The following PALMD variants were observed in gnomAD, a reference collection of about 807,000 sequenced individuals.
PALMD encodes palmdelphin, also known as paralemmin-like protein.
Under a neutral mutation model 56.2 loss-of-function variants are expected in PALMD, and 42 were observed. The observed-to-expected ratio is 0.75, with a 90% CI of 0.58 to 0.97. PALMD has a LOEUF of 0.97. Ranked by LOEUF, PALMD falls within the 50% of genes least tolerant of loss-of-function variation. PALMD has a pLI of 0.00. For missense variants in PALMD, 660 were observed against 643.8 expected (o/e 1.03, Z -0.27); for synonymous variants, 242 against 222.9 (o/e 1.09, Z -0.76).
rs1163128266 is a variant in PALMD at position 99,653,504 on chromosome 1, T to C, written c.45+7142T>C. Among the ~76,000 whole-genome samples the C allele has an allele frequency of 3.9e-5, 6 of 152,220 alleles. No individual in the cohort carries two copies. In the South Asian group the frequency reaches 1.0e-3, roughly 26 times the overall value. On this transcript the variant is annotated intron_variant, in intron 1 of 7. Transcript: ENST00000263174. ...AAGAAGACTACAATTATTTGATAAATGAGGTTTAGAAAATTTGTGCTTTTT... is the reference window on the plus strand; with the variant it reads ...AAGAAGACTACAATTATTTGATAAACGAGGTTTAGAAAATTTGTGCTTTTT...
intron 6 of PALMD, among the ~76,000 whole-genome samples, 181 bp from the exon 7 acceptor site, chr1:99,688,594 C>T (rs1030305898): frequency 2.0e-5 from 3 of 152,042 alleles, no homozygotes; most frequent in Non-Finnish European, 4.4e-5. Flanking sequence ...CATAAAAACC[C>T]GTGTTATTCC....
intron 7 of PALMD, 124 bp from the exon 8 acceptor site, chr1:99,693,895 C>T (rs1334789763): frequency 5.9e-6 from 4 of 678,692 alleles, no homozygotes; most frequent in Non-Finnish European, 7.9e-6. Context: ...TAAATCAATG[C>T]TCACACTGTT....
intron 2 of PALMD, among the ~76,000 whole-genome samples, chr1:99,664,699 CAAT>C (rs1287457336): frequency 1.3e-5 from 2 of 152,200 alleles, no homozygotes; most frequent in Admixed American, 1.3e-4. Context: ...AATAATTCTA[CAAT>C]GTCTTCACCA....
rs865810505 is a variant in PALMD at position 99,692,563 on chromosome 1, G to A, written c.1613-1456G>A. ...CTACTTGCCATAGGCTTGAAAAAAG[G>A]AAAGAAAGGAAAGCAGACTCTAGCA... On this transcript the variant is annotated intron_variant, in intron 7 of 7. Coordinates refer to ENST00000263174, the MANE Select transcript of PALMD (RefSeq NM_017734.5). 4.7e-4 allele frequency among the ~76,000 whole-genome samples: 71 copies of A among 152,234 alleles called. No homozygotes were observed. In the Middle Eastern group the frequency reaches 0.01, roughly 22 times the overall value.
intron 1 of PALMD, among the ~76,000 whole-genome samples, chr1:99,653,410 G>T (rs188211982): frequency 6.6e-6 from 1 of 151,930 alleles, no homozygotes; most frequent in African/African-American, 2.4e-5. Flanking sequence ...GGTAGACAAA[G>T]GAAAAAAAGA....
chr1:99,688,637 A>G, intron 6 of PALMD, 138 bp from the exon 7 acceptor site: 1 of 598,164 alleles, frequency 1.7e-6, no homozygotes, highest in Middle Eastern at 4.6e-4. Flanking sequence ...GAGTAAAATC[A>G]GAAATTTAAA....
chr1:99,670,484 T>G (rs1653059767), intron 3 of PALMD, among the ~76,000 whole-genome samples: 2 of 152,126 alleles, frequency 1.3e-5, no homozygotes, highest in South Asian at 4.2e-4. Flanking sequence ...ACAGAGTCAG[T>G]AAAGGGTAGA....
At position 99,686,483 on chromosome 1, in the gene PALMD, G is replaced by A. The variant is rs529271639; in HGVS notation, c.252-193G>A. On this transcript the variant is annotated intron_variant, in intron 3 of 7. Coordinates refer to ENST00000263174, the MANE Select transcript of PALMD (RefSeq NM_017734.5). The stretch of plus-strand genomic sequence containing the variant: ...AAAGAAAACTTGAAAATCGTTCAAA[G>A]TCGGGCATTAGGTATCTTCCATATA... The A allele has an allele frequency of 1.6e-3, 592 of 378,548 alleles. 4 individuals are homozygous for A. The Middle Eastern group carries it at 0.016, about 10-fold the overall frequency. 23.4% of individuals were successfully genotyped at this position (378,548 alleles called of 1,614,324 possible). A position where few individuals can be genotyped will look rare whatever the true frequency, so the allele number is the denominator to read the frequency against.
intron 3 of PALMD, among the ~76,000 whole-genome samples, chr1:99,678,282 T>C (rs538870312): frequency 2.6e-5 from 4 of 152,024 alleles, no homozygotes; most frequent in Non-Finnish European, 5.9e-5. Flanking sequence ...TTTTTGTATT[T>C]TTAGTAGAGA....
intron 2 of PALMD, among the ~76,000 whole-genome samples, chr1:99,663,222 GA>G (rs1426342092): frequency 6.6e-6 from 1 of 152,056 alleles, no homozygotes; most frequent in African/African-American, 2.4e-5. Flanking sequence ...ACCTGCCTCT[GA>G]AAAAAAACAT....
intron 3 of PALMD, among the ~76,000 whole-genome samples, chr1:99,677,095 G>A (rs916359260): frequency 1.3e-5 from 2 of 152,116 alleles, no homozygotes; most frequent in South Asian, 2.1e-4. Flanking sequence ...TTCAGTAGTA[G>A]CCAGCTGTCA....
At chr1:99,676,317 A>G (rs1487021124) in intron 3 of PALMD, among the ~76,000 whole-genome samples, 1 of 152,066 alleles carries the variant, frequency 6.6e-6, no homozygotes. Context: ...TAAGGACACC[A>G]GCCATATTGG....
At chr1:99,688,716 C>A in intron 6 of PALMD, 59 bp from the exon 7 acceptor site, 1 of 1,052,002 alleles carries the variant, frequency 9.5e-7, no homozygotes, top group Non-Finnish European at 1.4e-6. Flanking sequence ...ACAGTGAAAG[C>A]AGGTTAGTTT....
At chr1:99,667,911 C>A in intron 3 of PALMD, 145 bp downstream of exon 3, 1 of 699,528 alleles carries the variant, frequency 1.4e-6, no homozygotes, top group Non-Finnish European at 2.4e-6. Context: ...CACGCTTTCA[C>A]ACTGTCACCC....
chr1:99,674,070 G>GT (rs1417875309), intron 3 of PALMD, among the ~76,000 whole-genome samples: 1 of 152,112 alleles, frequency 6.6e-6, no homozygotes, highest in Non-Finnish European at 1.5e-5. Context: ...TAGTGCCCTG[G>GT]TTTTTTAAAC....
At chr1:99,651,701 C>G (rs184246498) in intron 1 of PALMD, among the ~76,000 whole-genome samples, 1 of 152,338 alleles carries the variant, frequency 6.6e-6, no homozygotes, top group Non-Finnish European at 1.5e-5. Flanking sequence ...ACCCAGAACC[C>G]TGTGGCATGC....
chr1:99,646,811 T>C (rs1652454046), intron 1 of PALMD, among the ~76,000 whole-genome samples: 2 of 152,210 alleles, frequency 1.3e-5, no homozygotes, highest in African/African-American at 4.8e-5. Context: ...ACCTGAAACT[T>C]TATATTTGTA....
At chr1:99,691,568 C>T (rs1342277469) in intron 7 of PALMD, among the ~76,000 whole-genome samples, 1 of 152,160 alleles carries the variant, frequency 6.6e-6, no homozygotes, top group Non-Finnish European at 1.5e-5. Flanking sequence ...ATTCGGCATA[C>T]AGACTACAGA....
chr1:99,666,218 T>C, intron 2 of PALMD, among the ~76,000 whole-genome samples: 1 of 152,196 alleles, frequency 6.6e-6, no homozygotes, highest in East Asian at 1.9e-4. Context: ...TTGTTTGTAA[T>C]GTTGTAAGTT....
Sources: allele counts gnomAD v4.1 joint callset (sites outside exome capture counted in the v4.1 genomes callset), GRCh38; gene constraint gnomAD v4.1.1; transcripts MANE v1.5; gene names NCBI Gene and HGNC (gene_info 2026-07-23, HGNC 2026-07-21).